NUP93: variants seen among roughly 807,000 people sequenced by gnomAD.
NUP93 encodes nucleoporin 93.
In NUP93, 55 loss-of-function variants were observed where a neutral mutation model predicts 107.8. The ratio of observed to expected loss-of-function variants is 0.51; its 90% CI spans 0.41 to 0.64. The LOEUF is 0.64. Among genes scored for constraint, NUP93 ranks in the 30% least tolerant of loss-of-function variants. NUP93 has a pLI of 0.00. For missense variants in NUP93, 937 were observed against 1,044.7 expected (o/e 0.90, Z 1.42); for synonymous variants, 390 against 397.5 (o/e 0.98, Z 0.22).
At chr16:56,823,679 T>C (rs757761227) in intron 7 of NUP93, 28 bp from the exon 8 acceptor site, 47 of 1,611,032 alleles carry the variant, frequency 2.9e-5, no homozygotes, top group Non-Finnish European at 4.0e-5. Context: ...CCTGCAGCAT[T>C]GTCACATGCA....
intron 1 of NUP93, among the ~76,000 whole-genome samples, chr16:56,745,838 A>T (rs1367398258): frequency 3.3e-5 from 5 of 152,220 alleles, no homozygotes; most frequent in East Asian, 1.9e-4. Flanking sequence ...TAATTAACTT[A>T]AAAAAATCTT....
chr16:56,748,340 G>A lies in NUP93; in HGVS notation c.93G>A (p.Arg31=), dbSNP rs778194312. 1 of 1,614,066 alleles carries A rather than the reference G, an allele frequency of 6.2e-7. No homozygotes were observed. Among genetic ancestry groups the A allele is most frequent in the Non-Finnish European group, 8.5e-7 (1 of 1,180,028 alleles). ...EGISELPHVE[R]NLQEIQQAGE... is the part of the protein sequence containing the mutation. ...TCTCAGAGCTTCCCCATGTGGAACG[G>A]AACTTACAGGAGATCCAGCAGGCGG... The change falls in exon 2 of 22, where the codon CGG becomes CGA. Residue 31 remains arginine (R), a synonymous_variant. Transcript: ENST00000308159.
intron 20 of NUP93, 153 bp downstream of exon 20, chr16:56,839,757 C>G (rs1252265708): frequency 3.1e-6 from 2 of 652,440 alleles, no homozygotes; most frequent in African/African-American, 3.7e-5. Context: ...ATACCTTGGC[C>G]TGGCTTTTCT....
At chr16:56,733,179 G>A (rs12934065) in intron 1 of NUP93, among the ~76,000 whole-genome samples, 35,222 of 152,112 alleles carry the variant, frequency 0.23, 4,373 homozygotes, top group Non-Finnish European at 0.27. Context: ...AAGGCAGCGA[G>A]GGATGAGGAT....
At chr16:56,827,069 A>AAAAAAAAAAAAAAAAAT (rs1430722800) in intron 8 of NUP93, among the ~76,000 whole-genome samples, 2,095 of 124,818 alleles carry the variant, frequency 0.017, 160 homozygotes, top group Non-Finnish European at 0.026. Context: ...AAAAAAAAAA[A>AAAAAAAAAAAAAAAAAT]TTTTGTTGAG....
intron 3 of NUP93, among the ~76,000 whole-genome samples, chr16:56,795,125 A>G (rs543134904): frequency 6.6e-6 from 1 of 151,116 alleles, no homozygotes; most frequent in Non-Finnish European, 1.5e-5. Context: ...CCTCTCCCCC[A>G]CTACCCCCAA....
chr16:56,839,692 A>G, intron 20 of NUP93, 88 bp downstream of exon 20: 2 of 1,033,162 alleles, frequency 1.9e-6, no homozygotes, highest in Non-Finnish European at 1.5e-6. Context: ...CAGCTTTAAG[A>G]ATTCTAGTTA....
intron 4 of NUP93, among the ~76,000 whole-genome samples, chr16:56,800,100 T>C (rs1001713456): frequency 1.3e-5 from 2 of 152,106 alleles, no homozygotes; most frequent in Admixed American, 6.5e-5. Context: ...GGAGAACCGC[T>C]TGAACCTAGG....
In NUP93 at chr16:56,796,972, A is replaced by G. The variant is rs547030974; in HGVS notation, c.298-1504A>G. ...GGCAACAGAGCGAGACTCCATCTCA[A>G]AAAAAAAAGCAAAAACACGAGGCTG... On this transcript the variant is annotated intron_variant, in intron 3 of 21. Coordinates refer to ENST00000308159, the MANE Select transcript of NUP93 (RefSeq NM_014669.5). Among the ~76,000 whole-genome samples, 3 of 147,796 alleles carry G rather than the reference A, an allele frequency of 2.0e-5. No homozygotes were observed. The East Asian group carries it at 6.1e-4, about 30-fold the overall frequency.
chr16:56,799,308 A>C (rs1962969510), intron 4 of NUP93, among the ~76,000 whole-genome samples: 1 of 152,220 alleles, frequency 6.6e-6, no homozygotes, highest in Non-Finnish European at 1.5e-5. Flanking sequence ...CCATGCTTGA[A>C]AAGATGGTAA....
At chr16:56,745,623 G>T (rs1375057470) in intron 1 of NUP93, among the ~76,000 whole-genome samples, 1 of 152,172 alleles carries the variant, frequency 6.6e-6, no homozygotes, top group African/African-American at 2.4e-5. Flanking sequence ...GAAAGGCTTT[G>T]TTGGTTGATT....
chr16:56,749,841 T>C (rs1729047624), intron 2 of NUP93, among the ~76,000 whole-genome samples: 1 of 152,166 alleles, frequency 6.6e-6, no homozygotes, highest in Non-Finnish European at 1.5e-5. Context: ...CAGGGATTTT[T>C]TACCCTGCAG....
intron 1 of NUP93, among the ~76,000 whole-genome samples, chr16:56,731,875 C>A (rs1200698265): frequency 1.3e-5 from 2 of 151,946 alleles, no homozygotes; most frequent in Non-Finnish European, 2.9e-5. Context: ...GCTGTCAGAT[C>A]GTATCATTCC....
chr16:56,839,126 A>C, intron 19 of NUP93, 57 bp downstream of exon 19: 1 of 1,199,384 alleles, frequency 8.3e-7, no homozygotes, highest in Non-Finnish European at 1.2e-6. Flanking sequence ...CGAAAATTCA[A>C]AACACTTCAT....
intron 2 of NUP93, among the ~76,000 whole-genome samples, chr16:56,755,470 G>T (rs1962001521): frequency 6.6e-6 from 1 of 152,024 alleles, no homozygotes; most frequent in Non-Finnish European, 1.5e-5. Flanking sequence ...GGGAGGTTTG[G>T]GGGGAAATGG....
rs1294166635 is a variant in NUP93 at position 56,844,995 on chromosome 16, T to A, written c.*386T>A. ...TTTTATTTAGATATAATATTCCATA[T>A]AGCAGAGTCACGATTCATTTTCACA... On this transcript the variant is annotated 3_prime_UTR_variant, in exon 22 of 22. Transcript: ENST00000308159. The A allele has an allele frequency of 1.0e-5, 3 of 286,646 alleles. No homozygotes were observed. The highest frequency in any genetic ancestry group is 1.9e-5 in the Non-Finnish European group (3 of 155,686). 17.8% of individuals were successfully genotyped at this position (286,646 alleles called of 1,614,324 possible). A position where few individuals can be genotyped will look rare whatever the true frequency, so the allele number is the denominator to read the frequency against.
At chr16:56,823,881 AC>A in intron 8 of NUP93, 35 bp downstream of exon 8, 1 of 1,604,612 alleles carries the variant, frequency 6.2e-7, no homozygotes, top group South Asian at 1.1e-5. Context: ...GCTGGCTTTC[AC>A]ATCCTTTGCA....
chr16:56,732,558 T>C (rs1003874015), intron 1 of NUP93, among the ~76,000 whole-genome samples: 4 of 152,280 alleles, frequency 2.6e-5, no homozygotes, highest in African/African-American at 9.6e-5. Flanking sequence ...TGGTAGTGGG[T>C]AGAGCAGGTG....
rs750945976 is a variant in NUP93 at position 56,830,509 on chromosome 16, T to C, written c.928-19T>C. 47 of 1,551,356 alleles carry C rather than the reference T, an allele frequency of 3.0e-5. No homozygotes were observed. The highest frequency in any genetic ancestry group is 4.0e-5 in the Non-Finnish European group (45 of 1,138,518). On this transcript the variant is annotated intron_variant, in intron 9 of 21. Transcript: ENST00000308159. ...GCCTTTCCTTGTTTATTTTGAGCAC[T>C]TAACTGTTCCTCTTTTAGGATGGAG...
Sources: allele counts gnomAD v4.1 joint callset (sites outside exome capture counted in the v4.1 genomes callset), GRCh38; gene constraint gnomAD v4.1.1; transcripts MANE v1.5; gene names NCBI Gene and HGNC (gene_info 2026-07-23, HGNC 2026-07-21).